Variants in MEI1 observed in about 807,000 individuals in gnomAD.
MEI1 encodes the protein meiosis inhibitor protein 1.
A neutral mutation model predicts 146.2 loss-of-function variants in MEI1; 103 were observed. The observed-to-expected ratio is 0.70, with a 90% CI of 0.60 to 0.83. The LOEUF is 0.83. MEI1 is among the 40% of genes least tolerant of loss of function. The pLI is 0.00. For synonymous variants in MEI1, 652 were observed against 628.2 expected (o/e 1.04, Z -0.57); for missense variants, 1,529 against 1,533.0 (o/e 1.00, Z 0.04).
intron 1 of MEI1, among the ~76,000 whole-genome samples, chr22:41,701,000 C>T (rs749403120): frequency 8.8e-5 from 13 of 147,296 alleles, no homozygotes; most frequent in Non-Finnish European, 1.2e-4. Context: ...AGTGCAATGG[C>T]GCAATCTCAG....
chr22:41,765,883 C>CTTTTTT (rs1013045266), intron 19 of MEI1, among the ~76,000 whole-genome samples: 4 of 86,098 alleles, frequency 4.6e-5, no homozygotes, highest in Non-Finnish European at 7.0e-5. Flanking sequence ...CCAAAATGTT[C>CTTTTTT]TTTTTTTTTT....
At chr22:41,758,745 A>G (rs2074264614) in intron 18 of MEI1, among the ~76,000 whole-genome samples, 1 of 152,222 alleles carries the variant, frequency 6.6e-6, no homozygotes, top group South Asian at 2.1e-4. Flanking sequence ...AGGCCTAGAA[A>G]GCCAGTGAGT....
intron 11 of MEI1, among the ~76,000 whole-genome samples, chr22:41,738,160 A>G (rs1297250616): frequency 6.6e-6 from 1 of 152,120 alleles, no homozygotes; most frequent in Non-Finnish European, 1.5e-5. Context: ...ACAAAACAAT[A>G]TAAAATAAAA....
intron 18 of MEI1, among the ~76,000 whole-genome samples, chr22:41,762,914 G>T (rs982500178): frequency 6.6e-6 from 1 of 152,126 alleles, no homozygotes; most frequent in Admixed American, 6.6e-5. Flanking sequence ...GGTCCAGCTG[G>T]CAGATAGCTC....
chr22:41,735,969 A>G (rs760308162), intron 11 of MEI1, among the ~76,000 whole-genome samples: 3 of 152,228 alleles, frequency 2.0e-5, no homozygotes, highest in Admixed American at 6.5e-5. Flanking sequence ...CAAACTTGAA[A>G]ACAACAGGTA....
At chr22:41,747,208 T>C (rs2073365395) in intron 14 of MEI1, 1 of 151,180 alleles carries the variant, frequency 6.6e-6, no homozygotes, top group African/African-American at 2.4e-5. Flanking sequence ...GTGGTGGCTA[T>C]GTACAGAGCC....
At chr22:41,792,886 G>A (rs112042951) in intron 26 of MEI1, among the ~76,000 whole-genome samples, 1 of 147,218 alleles carries the variant, frequency 6.8e-6, no homozygotes, top group African/African-American at 2.5e-5. Flanking sequence ...GCTTATTAGA[G>A]CATACAATTT....
rs1331626429 is a variant in MEI1 at position 41,741,419 on chromosome 22, A to G, written c.1332-1661A>G. ...ACTTACAATGCATCTGTCTCTGTTT[A>G]GGTAAAGTGAAAAGATGGAACTGGT... On this transcript the variant is annotated intron_variant, in intron 11 of 30. Transcript: ENST00000401548. 2.0e-5 allele frequency among the ~76,000 whole-genome samples: 3 copies of G among 152,354 alleles called. No homozygotes were observed. In the East Asian group the frequency reaches 5.8e-4, roughly 29 times the overall value.
chr22:41,732,148 CA>C (rs1169092845), intron 9 of MEI1, 96 bp from the exon 10 acceptor site: 12 of 943,708 alleles, frequency 1.3e-5, no homozygotes, highest in Non-Finnish European at 1.9e-5. Flanking sequence ...GCCTCCAACT[CA>C]TACATGCTGT....
chr22:41,745,275 A>G (rs1010117117), intron 13 of MEI1, among the ~76,000 whole-genome samples: 4 of 152,124 alleles, frequency 2.6e-5, no homozygotes, highest in Non-Finnish European at 5.9e-5. Context: ...TTCCTTCCTC[A>G]TGGAGTTTTT....
rs1014831290 is a variant in MEI1 at position 41,781,405 on chromosome 22, C to A, written c.2926+11C>A. 1 of 1,597,582 alleles carries A rather than the reference C, an allele frequency of 6.3e-7. No homozygotes were observed. The highest frequency in any genetic ancestry group is 2.2e-5 in the East Asian group (1 of 44,460). ...GCAGTCAGAAAAGAGGTGCAGGGGC[C>A]CGGGCTGGGACAGTGAAGAGTGCTG... On this transcript the variant is annotated intron_variant, in intron 23 of 30. Coordinates refer to ENST00000401548, the MANE Select transcript of MEI1 (RefSeq NM_152513.4).
At chr22:41,787,992 G>C (rs1203987137) in intron 26 of MEI1, among the ~76,000 whole-genome samples, 1 of 152,160 alleles carries the variant, frequency 6.6e-6, no homozygotes. Flanking sequence ...GGATATTTCA[G>C]ATTTCAAATT....
At chr22:41,703,958 C>T (rs541109475) in intron 2 of MEI1, among the ~76,000 whole-genome samples, 1 of 152,266 alleles carries the variant, frequency 6.6e-6, no homozygotes, top group South Asian at 2.1e-4. Context: ...CACACTCCAG[C>T]CTGGGTGACA....
At chr22:41,748,435 G>C (rs1006666048) in intron 15 of MEI1, among the ~76,000 whole-genome samples, 1 of 152,158 alleles carries the variant, frequency 6.6e-6, no homozygotes, top group African/African-American at 2.4e-5. Flanking sequence ...TGTAATCCTA[G>C]TGCTTTGGGA....
intron 3 of MEI1, among the ~76,000 whole-genome samples, chr22:41,707,392 C>T (rs2076705803): frequency 1.3e-5 from 2 of 152,098 alleles, no homozygotes; most frequent in Admixed American, 1.3e-4. Context: ...CTCTGAGTGG[C>T]ACTGACTAGA....
intron 20 of MEI1, among the ~76,000 whole-genome samples, chr22:41,773,247 A>G (rs2075280585): frequency 6.6e-6 from 1 of 152,200 alleles, no homozygotes; most frequent in Non-Finnish European, 1.5e-5. Flanking sequence ...GCTTAACAGA[A>G]AGGAGCTGCC....
At chr22:41,776,934 C>T (rs747936970) in intron 21 of MEI1, among the ~76,000 whole-genome samples, 3 of 151,980 alleles carry the variant, frequency 2.0e-5, no homozygotes, top group Non-Finnish European at 4.4e-5. Flanking sequence ...GTGCCTCAGC[C>T]TCCCAAGTAG....
At chr22:41,734,647 A>AT (rs1569208737) in intron 11 of MEI1, among the ~76,000 whole-genome samples, 1 of 151,972 alleles carries the variant, frequency 6.6e-6, no homozygotes, top group South Asian at 2.1e-4. Context: ...TGTATTTAAA[A>AT]TTTTTTTTGA....
At chr22:41,714,108 C>G (rs1341609559) in intron 4 of MEI1, 33 bp downstream of exon 4, 2 of 1,547,194 alleles carry the variant, frequency 1.3e-6, no homozygotes, top group Non-Finnish European at 1.8e-6. Flanking sequence ...TTGAGTCTCT[C>G]AGAATCCTCA....
Sources: gnomAD v4.1 joint callset for allele counts (sites outside exome capture counted in the v4.1 genomes callset) on GRCh38, gnomAD v4.1.1 for gene constraint, MANE v1.5 for transcripts, NCBI Gene and HGNC (gene_info 2026-07-23, HGNC 2026-07-21) for gene names.